The following DHRS3 variants were observed in gnomAD, a reference collection of about 807,000 sequenced individuals.
DHRS3 encodes short-chain dehydrogenase/reductase 3.
A neutral mutation model predicts 27.2 loss-of-function variants in DHRS3; 14 were observed. That is an observed-to-expected ratio of 0.52 (90% CI 0.34 to 0.81). DHRS3 has a LOEUF of 0.81. DHRS3 is among the 30% of genes least tolerant of loss of function. DHRS3 has a pLI of 0.01. For missense variants in DHRS3, 322 were observed against 406.2 expected (o/e 0.79, Z 1.78); for synonymous variants, 165 against 175.9 (o/e 0.94, Z 0.49).
At chr1:12,585,849 C>T (rs1181091529) in intron 1 of DHRS3, among the ~76,000 whole-genome samples, 1 of 152,214 alleles carries the variant, frequency 6.6e-6, no homozygotes, top group Non-Finnish European at 1.5e-5. Flanking sequence ...GGTTGGGGGC[C>T]TGCAGAGGGG....
At chr1:12,611,366 T>C (rs1019618167) in intron 1 of DHRS3, among the ~76,000 whole-genome samples, 3 of 152,238 alleles carry the variant, frequency 2.0e-5, no homozygotes, top group Non-Finnish European at 4.4e-5. Context: ...TTGTTTGACA[T>C]GCTAGTCAGG....
rs950149549 is a variant in DHRS3, at chr1:12,594,843, G to A, written c.196-14177C>T. ...AGCCTCTGACATGAAGCTGGAAGGG[G>A]CTGGGCTGGGATGCTTAGGTGATGG... On this transcript the variant is annotated intron_variant, in intron 1 of 5. Coordinates refer to ENST00000616661, the MANE Select transcript of DHRS3 (RefSeq NM_004753.7). This position sits in a 1 kb window ranked among gnomAD's most constrained non-coding sequence, Gnocchi z 4.1. 1.3e-5 allele frequency among the ~76,000 whole-genome samples: 2 copies of A among 152,192 alleles called. No individual in the cohort carries two copies. Among genetic ancestry groups the A allele is most frequent in the Non-Finnish European group, 2.9e-5 (2 of 68,030 alleles).
intron 5 of DHRS3, among the ~76,000 whole-genome samples, chr1:12,570,565 G>A (rs1047492624): frequency 2.0e-5 from 3 of 152,144 alleles, no homozygotes; most frequent in African/African-American, 4.8e-5. Context: ...AATGGGGAGC[G>A]GGGTGGCTCC....
intron 1 of DHRS3, among the ~76,000 whole-genome samples, chr1:12,583,328 C>T (rs1329466962): frequency 1.3e-5 from 2 of 149,734 alleles, no homozygotes; most frequent in African/African-American, 5.0e-5. Context: ...TCCATTCATC[C>T]ATCCATCCAT....
intron 1 of DHRS3, 139 bp downstream of exon 1, chr1:12,617,015 C>T (rs912359545): frequency 2.2e-5 from 24 of 1,098,106 alleles, no homozygotes; most frequent in Non-Finnish European, 3.0e-5. Context: ...AACCGACTAG[C>T]TCAGCACTCG....
chr1:12,573,686 A>G (rs1238387404), intron 4 of DHRS3, among the ~76,000 whole-genome samples: 1 of 152,210 alleles, frequency 6.6e-6, no homozygotes, highest in Non-Finnish European at 1.5e-5. Context: ...AGATTTGCAC[A>G]GTGCTTTCCA....
chr1:12,594,217 A>G lies in DHRS3; in HGVS notation c.196-13551T>C, dbSNP rs1646770166. 6.6e-6 allele frequency among the ~76,000 whole-genome samples: 1 copy of G among 152,234 alleles called. No individual in the cohort carries two copies. Among genetic ancestry groups the G allele is most frequent in the Admixed American group, 6.5e-5 (1 of 15,290 alleles). ...AGTAACTCATGCAGGCTGCACTACT[A>G]GAAGTTTCAAAGCAAGGCTCGGACT... On this transcript the variant is annotated intron_variant, in intron 1 of 5. Coordinates refer to ENST00000616661, the MANE Select transcript of DHRS3 (RefSeq NM_004753.7). The surrounding 1 kb of genome is among the most constrained non-coding windows in gnomAD (Gnocchi z 4.1).
chr1:12,616,537 G>A, intron 1 of DHRS3: 9 of 984,816 alleles, frequency 9.1e-6, no homozygotes, highest in Non-Finnish European at 9.6e-6. Flanking sequence ...GAGAACAAGG[G>A]CTCTTTATCA....
intron 1 of DHRS3, among the ~76,000 whole-genome samples, chr1:12,613,193 G>A (rs1646921787): frequency 6.6e-6 from 1 of 152,186 alleles, no homozygotes; most frequent in Admixed American, 6.5e-5. Flanking sequence ...TGGAAGAGAT[G>A]ACGAAGGATC....
At chr1:12,616,606 T>A (rs902867076) in intron 1 of DHRS3, 10 of 986,394 alleles carry the variant, frequency 1.0e-5, no homozygotes, top group African/African-American at 1.7e-5. Flanking sequence ...CCTCTCAGTG[T>A]CGGTCCGGCC....
At position 12,578,686 on chromosome 1, in the gene DHRS3, C is replaced by G. The variant is rs374227017; in HGVS notation, c.698+32G>C. Reference sequence around the variant, plus strand: ...TGGCTTGGGGAGGCAGGTGAGAAGGCTGGTCTCAAGGTGGGTCCCCTGCTC... The same window carrying G: ...TGGCTTGGGGAGGCAGGTGAGAAGGGTGGTCTCAAGGTGGGTCCCCTGCTC... On this transcript the variant is annotated intron_variant, in intron 4 of 5. Transcript: ENST00000616661. This position sits in a 1 kb window ranked among gnomAD's most constrained non-coding sequence, Gnocchi z 4.5. 1.1e-5 allele frequency: 18 copies of G among 1,587,644 alleles called. No individual in the cohort carries two copies. The African/African-American group carries it at 1.5e-4, about 13-fold the overall frequency.
In DHRS3 at chr1:12,593,328, C is replaced by A. The variant is rs1462865302; in HGVS notation, c.196-12662G>T. 6.6e-6 allele frequency among the ~76,000 whole-genome samples: 1 copy of A among 152,194 alleles called. No homozygotes were observed. Among genetic ancestry groups the A allele is most frequent in the East Asian group, 1.9e-4 (1 of 5,196 alleles). ...CTGTTCTCTTTTCCCAAGTATCCCT[C>A]TCCTTGTAGGGCACCCTCTTTTCTT... On this transcript the variant is annotated intron_variant, in intron 1 of 5. Coordinates refer to ENST00000616661, the MANE Select transcript of DHRS3 (RefSeq NM_004753.7). This position sits in a 1 kb window ranked among gnomAD's most constrained non-coding sequence, Gnocchi z 4.6.
intron 1 of DHRS3, among the ~76,000 whole-genome samples, chr1:12,585,822 G>A (rs1265398968): frequency 2.0e-5 from 3 of 152,240 alleles, no homozygotes; most frequent in African/African-American, 7.2e-5. Flanking sequence ...GCGGAGGCGG[G>A]CGTCTGAGGG....
intron 1 of DHRS3, among the ~76,000 whole-genome samples, chr1:12,583,156 ACCCAC>A (rs1646659545): frequency 7.3e-6 from 1 of 137,692 alleles, no homozygotes; most frequent in Non-Finnish European, 1.6e-5. Context: ...CCATCCACTC[ACCCAC>A]CCCACTCCAT....
chr1:12,601,653 G>A (rs1315637761), intron 1 of DHRS3, among the ~76,000 whole-genome samples: 6 of 152,086 alleles, frequency 3.9e-5, no homozygotes, highest in Admixed American at 1.3e-4. Context: ...GCCTGGCTAC[G>A]GACTCCACTA....
At position 12,591,267 on chromosome 1, in the gene DHRS3, G is replaced by A. The variant is rs1021425260; in HGVS notation, c.196-10601C>T. On this transcript the variant is annotated intron_variant, in intron 1 of 5. Coordinates refer to ENST00000616661, the MANE Select transcript of DHRS3 (RefSeq NM_004753.7). The surrounding 1 kb of genome is among the most constrained non-coding windows in gnomAD (Gnocchi z 4.1). ...AGCCACTGGGCCTGTCAGGGACTTC[G>A]GCTAGGTCCTTATGTGTCCTTCCTG... 6.6e-6 allele frequency among the ~76,000 whole-genome samples: 1 copy of A among 152,228 alleles called. No individual in the cohort carries two copies. The highest frequency in any genetic ancestry group is 2.1e-4 in the South Asian group (1 of 4,828).
At chr1:12,580,773 G>A in intron 1 of DHRS3, 107 bp from the exon 2 acceptor site, 1 of 1,320,498 alleles carries the variant, frequency 7.6e-7, no homozygotes, top group Non-Finnish European at 1.0e-6. Context: ...TGAAATGACT[G>A]GCCTCCCTGG....
chr1:12,595,718 G>T (rs930426562), intron 1 of DHRS3, among the ~76,000 whole-genome samples: 29 of 151,828 alleles, frequency 1.9e-4, no homozygotes, highest in African/African-American at 6.8e-4. Context: ...GGGTGCAGAT[G>T]GGGGGCGATG....
chr1:12,595,757 T>C (rs894138646), intron 1 of DHRS3, among the ~76,000 whole-genome samples: 5 of 130,896 alleles, frequency 3.8e-5, no homozygotes, highest in African/African-American at 1.4e-4. Context: ...GGAGAGGAGC[T>C]GGGTTGGGAT....
Sources: gnomAD v4.1 joint callset for allele counts (sites outside exome capture counted in the v4.1 genomes callset) on GRCh38, gnomAD v4.1.1 for gene constraint, Gnocchi (gnomAD v3.1) non-coding constraint, MANE v1.5 for transcripts, NCBI Gene and HGNC (gene_info 2026-07-23, HGNC 2026-07-21) for gene names.